The following ENTPD2 variants were observed in gnomAD, a reference collection of about 807,000 sequenced individuals.
The protein encoded by ENTPD2 is CD39 antigen-like 1.
In ENTPD2, 48 loss-of-function variants were observed where a neutral mutation model predicts 46.8. The observed-to-expected ratio is 1.03, with a 90% CI of 0.81 to 1.30. The LOEUF is 1.30. Among genes scored for constraint, ENTPD2 ranks in the 50% most tolerant of loss-of-function variants. The pLI is 0.00. For synonymous variants in ENTPD2, 316 were observed against 286.1 expected (o/e 1.10, Z -1.06); for missense variants, 707 against 651.1 (o/e 1.09, Z -0.93).
Position 137,049,981 on chromosome 9 carries a change from A to C in ENTPD2, c.1038T>G (p.Ser346=). 1 of 1,612,012 alleles carries C rather than the reference A, an allele frequency of 6.2e-7. No individual in the cohort carries two copies. The highest frequency in any genetic ancestry group is 8.5e-7 in the Non-Finnish European group (1 of 1,179,542). ...PPVAGNFVAF[S]AFFYTVDFLR... is the part of the protein sequence containing the mutation. ...AAAAGTCCACAGTGTAGAAGAAGGC[A>C]GAGAAGGCCTGTAGGGGGCGCAGTC... The change falls in exon 7 of 9, where the codon TCT becomes TCG. Residue 346 remains serine, a synonymous_variant. Coordinates refer to ENST00000355097, the MANE Select transcript of ENTPD2 (RefSeq NM_203468.3).
At position 137,049,030 on chromosome 9, in the gene ENTPD2, A is replaced by G. The variant is rs1467357790; in HGVS notation, c.1195T>C (p.Cys399Arg). ...TGCTGCACGAACATGGCCCCGGCGC[A>G]GTAGTCGGCCAGGCGGGCCCGTTGC... ...PGQRARLADY[C>R]AGAMFVQQLL... The change falls in exon 8 of 9, where the codon TGC becomes CGC. Residue 399 changes from cysteine to arginine, a missense_variant. Coordinates refer to ENST00000355097, the MANE Select transcript of ENTPD2 (RefSeq NM_203468.3). The G allele has an allele frequency of 1.3e-6, 2 of 1,535,682 alleles. No homozygotes were observed. The highest frequency in any genetic ancestry group is 2.0e-5 in the Admixed American group (1 of 50,654).
At position 137,048,981 on chromosome 9, in the gene ENTPD2, AAGCCGT is replaced by A. The variant is rs1177642342; in HGVS notation, c.1238_1243del (p.Tyr413_Gly414del). On this transcript the variant is annotated inframe_deletion, in exon 8 of 9. Transcript: ENST00000355097. ...CACGCCGCCGAAGGCGCGCTCGTCG[AAGCCGT>A]AGCCGCGACTCAGCAGCTGCTGCAC... is the stretch of plus-strand genomic sequence containing the variant. 1 of 1,535,206 alleles carries A rather than the reference AAGCCGT, an allele frequency of 6.5e-7. No homozygotes were observed. Among genetic ancestry groups the A allele is most frequent in the East Asian group, 2.5e-5 (1 of 40,500 alleles).
rs755010690 is a variant in ENTPD2 at position 137,051,217 on chromosome 9, G to T, written c.540C>A (p.Phe180Leu). Residue 180 changes from phenylalanine (F) to leucine (L), a missense_variant, in exon 4 of 9, where the codon TTC (phenylalanine) becomes TTA (leucine). Phe to Leu is a conservative substitution (Grantham distance 22). Transcript: ENST00000355097. ...GGCTGGCTGCTGGGCCCACCTTGAT[G>T]AAGTTCTCCAGCAGGTAGTTGGCAG... is the stretch of plus-strand genomic sequence containing the variant. The part of the protein sequence containing the change: ...WVTANYLLEN[F>L]IKYGWVGRWF... The T allele has an allele frequency of 6.2e-7, 1 of 1,611,770 alleles. No homozygotes were observed. Among genetic ancestry groups the T allele is most frequent in the Admixed American group, 1.7e-5 (1 of 59,958 alleles).
rs532341072 is a variant in ENTPD2, at chr9:137,049,813, C to T, written c.1149+57G>A. 6 of 1,550,606 alleles carry T rather than the reference C, an allele frequency of 3.9e-6. No individual in the cohort carries two copies. The East Asian group carries it at 6.9e-5, about 18-fold the overall frequency. ...GTCCATGCAGGGCTGGGGAGGCATG[C>T]GGAGGCGGAGGCTGAGCCCTTCCGC... On this transcript the variant is annotated intron_variant, in intron 7 of 8. Coordinates refer to ENST00000355097, the MANE Select transcript of ENTPD2 (RefSeq NM_203468.3).
At position 137,052,354 on chromosome 9, in the gene ENTPD2, GGGGA is replaced by G; in HGVS notation, c.118-10_118-7del. 6.9e-7 allele frequency: 1 copy of G among 1,442,826 alleles called. No homozygotes were observed. Among genetic ancestry groups the G allele is most frequent in the Non-Finnish European group, 9.7e-7 (1 of 1,028,636 alleles). 89.4% of individuals were successfully genotyped at this position (1,442,826 alleles called of 1,614,324 possible). ...GCGTCCAGGACGATGCCATACTGCG[GGGGA>G]GGGGGAGGGAGTCAGCCTGGGGTGT... On this transcript the variant is annotated splice_polypyrimidine_tract_variant and splice_region_variant and intron_variant, in intron 1 of 8. Coordinates refer to ENST00000355097, the MANE Select transcript of ENTPD2 (RefSeq NM_203468.3).
In ENTPD2 at chr9:137,048,414, T is replaced by G; in HGVS notation, c.*243A>C. ...TCAGTTCCTATTTCCTGGGCTGCCT[T>G]AGGGGCAGAGACGCTGAGGGTGGGG... On this transcript the variant is annotated 3_prime_UTR_variant, in exon 9 of 9. Coordinates refer to ENST00000355097, the MANE Select transcript of ENTPD2 (RefSeq NM_203468.3). 3 of 439,412 alleles carry G rather than the reference T, an allele frequency of 6.8e-6. No homozygotes were observed. Among genetic ancestry groups the G allele is most frequent in the East Asian group, 4.7e-5 (1 of 21,356 alleles). 27.2% of individuals were successfully genotyped at this position (439,412 alleles called of 1,614,324 possible). A position where few individuals can be genotyped will look rare whatever the true frequency, so the allele number is the denominator to read the frequency against.
rs1244740756 is a variant in ENTPD2 at position 137,053,921 on chromosome 9, C to T, written c.77G>A (p.Cys26Tyr). Residue 26 changes from cysteine (C) to tyrosine (Y), a missense_variant, in exon 1 of 9, where the codon TGC becomes TAC. Coordinates refer to ENST00000355097, the MANE Select transcript of ENTPD2 (RefSeq NM_203468.3). Reference sequence around the variant, plus strand: ...CTCCCGGACGTCGCGGGTGGGGACGCACAGCAGTAGGAGGCCGGCGAGGCC... The same window carrying T: ...CTCCCGGACGTCGCGGGTGGGGACGTACAGCAGTAGGAGGCCGGCGAGGCC... ...AAGLAGLLLLCVPTRDVREPP... is the reference protein window; with the variant it reads ...AAGLAGLLLLYVPTRDVREPP... The T allele has an allele frequency of 2.4e-6, 3 of 1,225,770 alleles. No homozygotes were observed. Among genetic ancestry groups the T allele is most frequent in the African/African-American group, 3.1e-5 (2 of 64,100 alleles). The allele number at this position is 1,225,770 out of a possible 1,614,324, so 75.9% of individuals were successfully genotyped here.
chr9:137,048,920 C>T (rs1588552895), intron 8 of ENTPD2, 21 bp downstream of exon 8: 1 of 1,497,056 alleles, frequency 6.7e-7, no homozygotes. Context: ...GTCGGCCCCG[C>T]CCCGCCCCGC....
chr9:137,051,166 A>G lies in ENTPD2; in HGVS notation c.547-37T>C, dbSNP rs566162999. 15 of 1,611,758 alleles carry G rather than the reference A, an allele frequency of 9.3e-6. No individual in the cohort carries two copies. The East Asian group carries it at 1.3e-4, about 14-fold the overall frequency. On this transcript the variant is annotated intron_variant, in intron 4 of 8. Coordinates refer to ENST00000355097, the MANE Select transcript of ENTPD2 (RefSeq NM_203468.3). ...GGAGTGTGGGGTCAACCAGGGGCCG[A>G]GGGCGCCCACGCCCCCTGGCTCTTT...
rs759104050 is a variant in ENTPD2 at position 137,048,706 on chromosome 9, A to C, written c.1439T>G (p.Val480Gly). 6.2e-7 allele frequency: 1 copy of C among 1,606,558 alleles called. No individual in the cohort carries two copies. Among genetic ancestry groups the C allele is most frequent in the Non-Finnish European group, 8.5e-7 (1 of 1,177,360 alleles). The stretch of plus-strand genomic sequence containing the variant: ...GGAGTGCACCTGACGCAGCAGCAGG[A>C]CAAGCGCAGCCAGGAGCGCGGAGGC... ...LFASALLAAL[V>G]LLLRQVHSAK... The change falls in exon 9 of 9, where the codon GTC becomes GGC. Residue 480 changes from valine to glycine, a missense_variant. Coordinates refer to ENST00000355097, the MANE Select transcript of ENTPD2 (RefSeq NM_203468.3).
Position 137,049,891 on chromosome 9 carries a change from G to A in ENTPD2, c.1128C>T (p.Val376=), listed in dbSNP as rs1832224265. The A allele has an allele frequency of 6.2e-7, 1 of 1,611,792 alleles. No homozygotes were observed. The highest frequency in any genetic ancestry group is 1.3e-5 in the African/African-American group (1 of 74,914). ...TCACCTGAGCCCAGGTCTGGTTGCA[G>A]ACATTCACTGCGGCTGCCTCCAGCT... ...LQQLEAAAVN[V]CNQTWAQLQA... The change falls in exon 7 of 9, where the codon GTC becomes GTT. Residue 376 remains valine, a synonymous_variant. Transcript: ENST00000355097.
rs541869731 is a variant in ENTPD2 at position 137,050,592 on chromosome 9, G to T, written c.775-54C>A. 5.7e-6 allele frequency: 9 copies of T among 1,583,024 alleles called. No homozygotes were observed. In the African/African-American group the frequency reaches 8.1e-5, roughly 14 times the overall value. On this transcript the variant is annotated intron_variant, in intron 5 of 8. Coordinates refer to ENST00000355097, the MANE Select transcript of ENTPD2 (RefSeq NM_203468.3). Reference sequence around the variant, plus strand: ...GCACCACCACCGCTCCAGAGGACCAGCCTGACAAACCTCCCACAGGTCTCA... The same window carrying T: ...GCACCACCACCGCTCCAGAGGACCATCCTGACAAACCTCCCACAGGTCTCA...
intron 5 of ENTPD2, 149 bp from the exon 6 acceptor site, chr9:137,050,687 C>G: frequency 4.4e-6 from 6 of 1,354,456 alleles, no homozygotes; most frequent in Non-Finnish European, 2.0e-6. Flanking sequence ...CAGATCCCAA[C>G]GCCCCTGACC....
At chr9:137,051,778 T>G in intron 2 of ENTPD2, 118 bp from the exon 3 acceptor site, 1 of 1,407,762 alleles carries the variant, frequency 7.1e-7, no homozygotes, top group Non-Finnish European at 9.3e-7. Flanking sequence ...TGGCACACCT[T>G]CCCTGCTTAA....
rs777256965 is a variant in ENTPD2, at chr9:137,048,769, G to C, written c.1376C>G (p.Thr459Arg). Reference sequence around the variant, plus strand: ...GAGGACGACCCAGGAGCTGAAGTCTGTGCCCTTGCGCAGCCCCGGCGGGTC... The same window carrying C: ...GAGGACGACCCAGGAGCTGAAGTCTCTGCCCTTGCGCAGCCCCGGCGGGTC... ...PADPPGLRKG[T>R]DFSSWVVLLL... The change falls in exon 9 of 9, where the codon ACA (threonine) becomes AGA (arginine). Residue 459 changes from threonine (T) to arginine (R), a missense_variant. Physicochemically the swap from Thr to Arg is moderately conservative, Grantham distance 71. Coordinates refer to ENST00000355097, the MANE Select transcript of ENTPD2 (RefSeq NM_203468.3). The C allele has an allele frequency of 4.4e-6, 7 of 1,598,914 alleles. No individual in the cohort carries two copies. In the South Asian group the frequency reaches 5.6e-5, roughly 13 times the overall value.
Position 137,048,576 on chromosome 9 carries a change from CA to C in ENTPD2, c.*80del. On this transcript the variant is annotated 3_prime_UTR_variant, in exon 9 of 9. Coordinates refer to ENST00000355097, the MANE Select transcript of ENTPD2 (RefSeq NM_203468.3). ...GGTGGGGATACAGGGGTGGGAGGTACAGGGGTTGTGGGAGGGGTGGGAGTAC... is the reference window on the plus strand; with the variant it reads ...GGTGGGGATACAGGGGTGGGAGGTACGGGGTTGTGGGAGGGGTGGGAGTAC... 1.8e-6 allele frequency: 2 copies of C among 1,105,814 alleles called. No individual in the cohort carries two copies. Among genetic ancestry groups the C allele is most frequent in the East Asian group, 3.3e-5 (1 of 30,146 alleles). 68.5% of individuals were successfully genotyped at this position (1,105,814 alleles called of 1,614,324 possible). A position where few individuals can be genotyped will look rare whatever the true frequency, so the allele number is the denominator to read the frequency against.
In ENTPD2 at chr9:137,051,497, C is replaced by T. The variant is rs1832296412; in HGVS notation, c.386+13G>A. The T allele has an allele frequency of 1.9e-6, 3 of 1,580,930 alleles. No homozygotes were observed. Among genetic ancestry groups the T allele is most frequent in the Non-Finnish European group, 2.6e-6 (3 of 1,162,148 alleles). On this transcript the variant is annotated intron_variant, in intron 3 of 8. Coordinates refer to ENST00000355097, the MANE Select transcript of ENTPD2 (RefSeq NM_203468.3). ...CCATCATGGGGACAGGGCCAGGGCA[C>T]AGGCACACTCACTTGAGCAGGCGCA...
intron 1 of ENTPD2, among the ~76,000 whole-genome samples, chr9:137,053,610 T>G (rs1832344139): frequency 6.6e-6 from 1 of 152,154 alleles, no homozygotes. Flanking sequence ...GCCCCTGGGC[T>G]GCGTTGACGG....
intron 5 of ENTPD2, 89 bp from the exon 6 acceptor site, chr9:137,050,627 C>T (rs1296385032): frequency 6.6e-7 from 1 of 1,518,034 alleles, no homozygotes; most frequent in East Asian, 2.4e-5. Context: ...ACTCTGGCAA[C>T]TTCACTTTTG....
Sources: gnomAD v4.1 joint callset for allele counts (sites outside exome capture counted in the v4.1 genomes callset) on GRCh38, gnomAD v4.1.1 for gene constraint, MANE v1.5 for transcripts, NCBI Gene and HGNC (gene_info 2026-07-23, HGNC 2026-07-21) for gene names.